The following ME2 variants were observed in gnomAD, a reference collection of about 807,000 sequenced individuals.
The protein encoded by ME2 is NAD-dependent malic enzyme, mitochondrial.
Under a neutral mutation model 73.7 loss-of-function variants are expected in ME2, and 60 were observed. The observed-to-expected ratio is 0.81, with a 90% CI of 0.66 to 1.01. ME2 has a LOEUF of 1.01. ME2 is among the 50% of genes least tolerant of loss of function. The pLI, the probability that ME2 is intolerant of heterozygous loss-of-function variation, is 0.00. For synonymous variants in ME2, 199 were observed against 236.9 expected, an observed-to-expected ratio of 0.84 and a Z score of 1.47; for missense variants, 594 against 705.5, an observed-to-expected ratio of 0.84 and a Z score of 1.79.
chr18:50,922,843 T>C (rs1172392223), intron 10 of ME2, among the ~76,000 whole-genome samples: 1 of 152,224 alleles, frequency 6.6e-6, no homozygotes, highest in African/African-American at 2.4e-5. Flanking sequence ...CCTGGTTTTC[T>C]CAGCCGATTG....
At chr18:50,890,286 G>C (rs1052817048) in intron 1 of ME2, among the ~76,000 whole-genome samples, 5 of 151,702 alleles carry the variant, frequency 3.3e-5, no homozygotes, top group Admixed American at 6.6e-5. Flanking sequence ...TTCTTTTTTT[G>C]TACTTTTTGT....
At chr18:50,917,315 C>T in intron 5 of ME2, 32 bp from the exon 6 acceptor site, 1 of 1,569,288 alleles carries the variant, frequency 6.4e-7, no homozygotes, top group South Asian at 1.2e-5. Context: ...CCATTTTTGA[C>T]AACTTTTAAT....
At chr18:50,911,522 G>A (rs1477633260) in intron 3 of ME2, among the ~76,000 whole-genome samples, 1 of 152,146 alleles carries the variant, frequency 6.6e-6, no homozygotes, top group Admixed American at 6.6e-5. Context: ...AGGGAAGTAG[G>A]CTATCATGGG....
At chr18:50,917,571 C>T in intron 6 of ME2, 63 bp downstream of exon 6, 1 of 1,191,064 alleles carries the variant, frequency 8.4e-7, no homozygotes. Context: ...GTACAATATT[C>T]CTTTTTTGAA....
chr18:50,887,415 G>A (rs1279397795), intron 1 of ME2, among the ~76,000 whole-genome samples: 1 of 152,218 alleles, frequency 6.6e-6, no homozygotes, highest in Non-Finnish European at 1.5e-5. Flanking sequence ...GATCTGAAGT[G>A]TTTATTGCTT....
At chr18:50,913,013 A>G (rs1917195215) in intron 4 of ME2, 63 bp downstream of exon 4, 3 of 1,339,458 alleles carry the variant, frequency 2.2e-6, no homozygotes, top group Non-Finnish European at 3.1e-6. Flanking sequence ...TCATTCCATA[A>G]CACCCATTAC....
At chr18:50,908,012 T>G in intron 2 of ME2, 51 bp from the exon 3 acceptor site, 1 of 1,287,978 alleles carries the variant, frequency 7.8e-7, no homozygotes, top group Admixed American at 2.5e-5. Context: ...AACAATGTCA[T>G]TGCTACCCCA....
intron 3 of ME2, among the ~76,000 whole-genome samples, chr18:50,911,804 C>A (rs1429262052): frequency 6.6e-6 from 1 of 152,052 alleles, no homozygotes; most frequent in African/African-American, 2.4e-5. Flanking sequence ...GGAGCTTGAG[C>A]CTTATTTTAC....
intron 2 of ME2, among the ~76,000 whole-genome samples, chr18:50,900,228 A>T (rs1201832918): frequency 2.7e-5 from 4 of 150,874 alleles, no homozygotes; most frequent in Non-Finnish European, 5.9e-5. Flanking sequence ...TTTTTTTTTT[A>T]AATAAGAATA....
At chr18:50,927,721 C>CATATATATATATATATATATATATAT (rs368161371) in intron 12 of ME2, among the ~76,000 whole-genome samples, 6 of 85,446 alleles carry the variant, frequency 7.0e-5, no homozygotes, top group East Asian at 3.6e-4. Flanking sequence ...CCCAAAAAAC[C>CATATATATATATATATATATATATAT]ATATATATAT....
At position 50,934,876 on chromosome 18, in the gene ME2, A is replaced by G. The variant is rs2144260344; in HGVS notation, c.1417+2516A>G. 1.3e-5 allele frequency: 2 copies of G among 152,342 alleles called. 1 individual carries two copies. Among genetic ancestry groups the G allele is most frequent in the South Asian group, 4.1e-4 (2 of 4,828 alleles). The allele number at this position is 152,342 out of a possible 1,614,324, so 9.4% of individuals were successfully genotyped here. ...TATTGGAGAATTCTGGACCAAGGTT[A>G]GGGAGGGAACAAATGCACAGAACAA... On this transcript the variant is annotated intron_variant, in intron 13 of 15. Transcript: ENST00000321341.
At chr18:50,891,867 G>T (rs2144190119) in intron 1 of ME2, among the ~76,000 whole-genome samples, 1 of 150,642 alleles carries the variant, frequency 6.6e-6, no homozygotes, top group Admixed American at 6.6e-5. Flanking sequence ...AGGCTGGAGT[G>T]CAATGGCACA....
intron 2 of ME2, among the ~76,000 whole-genome samples, 175 bp downstream of exon 2, chr18:50,896,103 C>T (rs2144197742): frequency 6.6e-6 from 1 of 151,932 alleles, no homozygotes; most frequent in South Asian, 2.1e-4. Flanking sequence ...TGCTTTATAC[C>T]TCCTCAATTT....
chr18:50,922,590 G>C (rs1014255604), intron 10 of ME2, among the ~76,000 whole-genome samples: 2 of 152,196 alleles, frequency 1.3e-5, no homozygotes, highest in African/African-American at 4.8e-5. Flanking sequence ...AATATGTTGT[G>C]ATTCTTTAGC....
Position 50,949,670 on chromosome 18 carries a change from C to T in ME2, c.*2486C>T, listed in dbSNP as rs990486129. ...CGTATGCTGAATTAAAGTAATTTTA[C>T]TACGAAGTTTGCTTATTAAGTATGC... is the stretch of plus-strand genomic sequence containing the variant. On this transcript the variant is annotated 3_prime_UTR_variant, in exon 16 of 16. Coordinates refer to ENST00000321341, the MANE Select transcript of ME2 (RefSeq NM_002396.5). 1.3e-5 allele frequency: 2 copies of T among 152,094 alleles called. No homozygotes were observed. Among genetic ancestry groups the T allele is most frequent in the African/African-American group, 4.8e-5 (2 of 41,436 alleles). The allele number at this position is 152,094 out of a possible 1,614,324, so 9.4% of individuals were successfully genotyped here.
chr18:50,908,206 G>C lies in ME2; in HGVS notation c.242+10G>C. ...CTAGCCCTTTGGAAAAGTAAGAGTTGCTTAGATGTTTCTTTTTTTATTGGT... is the reference window on the plus strand; with the variant it reads ...CTAGCCCTTTGGAAAAGTAAGAGTTCCTTAGATGTTTCTTTTTTTATTGGT... On this transcript the variant is annotated intron_variant, in intron 3 of 15. Coordinates refer to ENST00000321341, the MANE Select transcript of ME2 (RefSeq NM_002396.5). The C allele has an allele frequency of 6.4e-7, 1 of 1,562,676 alleles. No individual in the cohort carries two copies. The highest frequency in any genetic ancestry group is 8.6e-7 in the Non-Finnish European group (1 of 1,159,122).
chr18:50,925,898 G>C lies in ME2; in HGVS notation c.1314G>C (p.Glu438Asp). ...CTGAAGAAGCATATACACTTACAGA[G>C]GTATTAATAATCACATGAATTGATA... is the stretch of plus-strand genomic sequence containing the variant. Reference protein sequence around the residue: ...CTAEEAYTLTEGRCLFASGSP... With the variant: ...CTAEEAYTLTDGRCLFASGSP... Residue 438 changes from glutamate to aspartate, a missense_variant and splice_region_variant, in exon 12 of 16, where the codon GAG becomes GAC. Coordinates refer to ENST00000321341, the MANE Select transcript of ME2 (RefSeq NM_002396.5). The C allele has an allele frequency of 6.3e-7, 1 of 1,597,936 alleles. No homozygotes were observed. The highest frequency in any genetic ancestry group is 8.6e-7 in the Non-Finnish European group (1 of 1,165,716).
chr18:50,906,929 G>A (rs1446098442), intron 2 of ME2, among the ~76,000 whole-genome samples: 5 of 152,062 alleles, frequency 3.3e-5, no homozygotes, highest in Non-Finnish European at 5.9e-5. Context: ...CTAGAGTCCC[G>A]GTAATACCTC....
intron 5 of ME2, 178 bp downstream of exon 5, chr18:50,916,421 G>T: frequency 2.1e-6 from 1 of 468,172 alleles, no homozygotes; most frequent in South Asian, 4.2e-5. Flanking sequence ...ATGGGCTACT[G>T]GTATAAAGTT....
Sources: gnomAD v4.1 joint callset for allele counts (sites outside exome capture counted in the v4.1 genomes callset) on GRCh38, gnomAD v4.1.1 for gene constraint, MANE v1.5 for transcripts, NCBI Gene and HGNC (gene_info 2026-07-23, HGNC 2026-07-21) for gene names.